The following HS6ST3 variants were observed in gnomAD, a reference collection of about 807,000 sequenced individuals.
The protein encoded by HS6ST3 is heparan sulfate 6-O-sulfotransferase 3.
A neutral mutation model predicts 36.7 loss-of-function variants in HS6ST3; 12 were observed. The observed-to-expected ratio is 0.33, with a 90% CI of 0.21 to 0.53. The LOEUF is 0.53. Ranked by LOEUF, HS6ST3 falls within the 20% of genes least tolerant of loss-of-function variation. HS6ST3 has a pLI of 0.95. For missense variants in HS6ST3, 584 were observed against 640.9 expected (o/e 0.91, Z 0.96); for synonymous variants, 240 against 257.5 (o/e 0.93, Z 0.65).
intron 1 of HS6ST3, among the ~76,000 whole-genome samples, chr13:96,318,970 T>G (rs9805649): frequency 0.029 from 4,463 of 152,320 alleles, 210 homozygotes; most frequent in African/African-American, 0.1. Flanking sequence ...ATAGCCTTAT[T>G]AAGATATAGT....
chr13:96,343,437 A>G (rs2055139664), intron 1 of HS6ST3, among the ~76,000 whole-genome samples: 1 of 152,134 alleles, frequency 6.6e-6, no homozygotes, highest in African/African-American at 2.4e-5. Flanking sequence ...AGCCCTTCTC[A>G]TATTGTGTCA....
At chr13:96,267,542 T>TTTCAAATAACAGAAACTCAACTGAAATTA (rs2054698401) in intron 1 of HS6ST3, among the ~76,000 whole-genome samples, 2 of 152,166 alleles carry the variant, frequency 1.3e-5, no homozygotes, top group African/African-American at 4.8e-5. Flanking sequence ...ATGTCCTTTG[T>TTTCAAATAACAGAAACTCAACTGAAATTA]GTTATTAAAA....
At chr13:96,328,553 C>G (rs2055045839) in intron 1 of HS6ST3, among the ~76,000 whole-genome samples, 2 of 151,882 alleles carry the variant, frequency 1.3e-5, no homozygotes, top group Non-Finnish European at 1.5e-5. Context: ...GGTGGATGAG[C>G]TTTTTGATGT....
chr13:96,532,399 C>T (rs1259225156), intron 1 of HS6ST3, among the ~76,000 whole-genome samples: 4 of 152,230 alleles, frequency 2.6e-5, no homozygotes, highest in South Asian at 2.1e-4. Context: ...ATGTGTTGCA[C>T]ACTCTCAACT....
At chr13:96,754,227 A>C (rs1216984115) in intron 1 of HS6ST3, among the ~76,000 whole-genome samples, 1 of 152,056 alleles carries the variant, frequency 6.6e-6, no homozygotes, top group Admixed American at 6.6e-5. Flanking sequence ...AATTAATTTT[A>C]TTATTGGCCT....
intron 1 of HS6ST3, among the ~76,000 whole-genome samples, chr13:96,164,818 C>A (rs60217165): frequency 6.6e-6 from 1 of 152,098 alleles, no homozygotes; most frequent in South Asian, 2.1e-4. Context: ...TAGGATGAAG[C>A]TGGGCCTTGC....
intron 1 of HS6ST3, among the ~76,000 whole-genome samples, chr13:96,292,947 A>G (rs2054837360): frequency 6.6e-6 from 1 of 152,076 alleles, no homozygotes; most frequent in African/African-American, 2.4e-5. Context: ...CTCAAGTCAT[A>G]TATTTAGTTC....
At chr13:96,156,952 T>C (rs2054113529) in intron 1 of HS6ST3, among the ~76,000 whole-genome samples, 1 of 152,176 alleles carries the variant, frequency 6.6e-6, no homozygotes. Context: ...CTTCAGGCTG[T>C]TCAGTTTTTA....
intron 1 of HS6ST3, among the ~76,000 whole-genome samples, chr13:96,400,191 ATATATG>A (rs2055442791): frequency 2.0e-5 from 3 of 150,526 alleles, no homozygotes; most frequent in Non-Finnish European, 3.0e-5. Context: ...ACACAGACAC[ATATATG>A]CAGACACACA....
At chr13:96,404,942 T>C (rs1052418542) in intron 1 of HS6ST3, among the ~76,000 whole-genome samples, 2 of 152,130 alleles carry the variant, frequency 1.3e-5, no homozygotes, top group Non-Finnish European at 2.9e-5. Flanking sequence ...AGTGAATGAG[T>C]CTCACGAGAT....
intron 1 of HS6ST3, among the ~76,000 whole-genome samples, chr13:96,254,448 A>AATATAT (rs869064004): frequency 1.2e-4 from 2 of 16,532 alleles, no homozygotes; most frequent in Non-Finnish European, 2.2e-4. Context: ...AAAAAAAAAA[A>AATATAT]ATATATATAT....
intron 1 of HS6ST3, among the ~76,000 whole-genome samples, chr13:96,379,031 G>A (rs375309254): frequency 1.3e-5 from 2 of 152,096 alleles, no homozygotes; most frequent in African/African-American, 4.8e-5. Flanking sequence ...TTTAGCTTGT[G>A]CATATCGAGC....
chr13:96,270,367 G>A (rs2054713939), intron 1 of HS6ST3, among the ~76,000 whole-genome samples: 1 of 151,776 alleles, frequency 6.6e-6, no homozygotes, highest in Non-Finnish European at 1.5e-5. Context: ...AGCCCAAGCA[G>A]GCTAATAGAC....
chr13:96,184,865 A>G (rs116821079), intron 1 of HS6ST3, among the ~76,000 whole-genome samples: 1,637 of 152,240 alleles, frequency 0.011, 34 homozygotes, highest in African/African-American at 0.038. Flanking sequence ...TACAAATTCC[A>G]CGAGGGTAAG....
rs1878879892 is a variant in HS6ST3 at position 96,834,527 on chromosome 13, A to G, written c.*1329A>G. The stretch of plus-strand genomic sequence containing the variant: ...TTTCATAATCCCAACTACAATAACA[A>G]GAATTTTATTGACTAATAAGGGAAT... On this transcript the variant is annotated 3_prime_UTR_variant, in exon 2 of 2. Coordinates refer to ENST00000376705, the MANE Select transcript of HS6ST3 (RefSeq NM_153456.4). 1 of 152,354 alleles carries G rather than the reference A, an allele frequency of 6.6e-6. No individual in the cohort carries two copies. The highest frequency in any genetic ancestry group is 1.5e-5 in the Non-Finnish European group (1 of 68,034). The allele number at this position is 152,354 out of a possible 1,614,324, so 9.4% of individuals were successfully genotyped here.
At position 96,833,367 on chromosome 13, in the gene HS6ST3, G is replaced by A. The variant is rs368752461; in HGVS notation, c.*169G>A. On this transcript the variant is annotated 3_prime_UTR_variant, in exon 2 of 2. Coordinates refer to ENST00000376705, the MANE Select transcript of HS6ST3 (RefSeq NM_153456.4). ...ATTTTTATCCAGCTGGAGATTATCC[G>A]TCTTGTTCTTTTTTTTCTTGACATT... 3.3e-4 allele frequency: 202 copies of A among 610,836 alleles called. 1 individual carries two copies. The highest frequency in any genetic ancestry group is 1.3e-3 in the Middle Eastern group (3 of 2,294). The allele number at this position is 610,836 out of a possible 1,614,324, so 37.8% of individuals were successfully genotyped here.
At chr13:96,546,911 A>G (rs781284797) in intron 1 of HS6ST3, among the ~76,000 whole-genome samples, 2 of 152,210 alleles carry the variant, frequency 1.3e-5, no homozygotes, top group Non-Finnish European at 2.9e-5. Flanking sequence ...AGCAGAGTCC[A>G]CAGTTGTTGT....
At chr13:96,422,101 C>G (rs530746285) in intron 1 of HS6ST3, among the ~76,000 whole-genome samples, 1 of 152,218 alleles carries the variant, frequency 6.6e-6, no homozygotes, top group African/African-American at 2.4e-5. Flanking sequence ...GTAATTAAAA[C>G]AAAATTACAG....
chr13:96,170,082 A>C (rs1418090918), intron 1 of HS6ST3, among the ~76,000 whole-genome samples: 2 of 152,226 alleles, frequency 1.3e-5, no homozygotes, highest in African/African-American at 4.8e-5. Context: ...AAGTGCTCCC[A>C]TTTGTGTTGT....
Sources: gnomAD v4.1 joint callset for allele counts (sites outside exome capture counted in the v4.1 genomes callset) on GRCh38, gnomAD v4.1.1 for gene constraint, MANE v1.5 for transcripts, NCBI Gene and HGNC (gene_info 2026-07-23, HGNC 2026-07-21) for gene names.